Variants in BRD1 observed in about 807,000 individuals in gnomAD.
BRD1 encodes the protein bromodomain containing 1, also known as bromodomain-containing protein 1.
Under a neutral mutation model 107.7 loss-of-function variants are expected in BRD1, and 24 were observed. The observed-to-expected ratio is 0.22, with a 90% CI of 0.16 to 0.31. The LOEUF (loss-of-function observed/expected upper bound fraction) is 0.31. BRD1 is among the 10% of genes least tolerant of loss of function. BRD1 has a pLI of 1.00. For synonymous variants in BRD1, 744 were observed against 686.1 expected (o/e 1.08, Z -1.32); for missense variants, 1,279 against 1,638.6 (o/e 0.78, Z 3.79).
chr22:49,775,824 C>CCCACAGCTGTGTGA lies in BRD1; in HGVS notation c.3232-80_3232-79insTCACACAGCTGTGG, dbSNP rs879766434. On this transcript the variant is annotated intron_variant, in intron 11 of 12. Transcript: ENST00000404760. ...CCCACCTGTCACTGGCACCCCCCCC[C>CCCACAGCTGTGTGA]GCCTCCCCACCCCAGCTGTGTGAGC... is the stretch of plus-strand genomic sequence containing the variant. The CCCACAGCTGTGTGA allele has an allele frequency of 2.2e-5, 28 of 1,282,348 alleles. No homozygotes were observed. In the South Asian group the frequency reaches 4.0e-4, roughly 18 times the overall value. The allele number at this position is 1,282,348 out of a possible 1,614,324, so 79.4% of individuals were successfully genotyped here.
intron 1 of BRD1, among the ~76,000 whole-genome samples, chr22:49,825,567 G>A (rs553501409): frequency 2.2e-4 from 33 of 152,302 alleles, no homozygotes; most frequent in African/African-American, 7.2e-4. Context: ...CCTCCAAAGC[G>A]CCACACTTCA....
At chr22:49,814,542 G>A (rs911957575) in intron 2 of BRD1, among the ~76,000 whole-genome samples, 4 of 152,252 alleles carry the variant, frequency 2.6e-5, no homozygotes, top group Non-Finnish European at 4.4e-5. Flanking sequence ...CCTCTCCGAC[G>A]GGGCAGGGTG....
In BRD1 at chr22:49,783,662, G is replaced by A. The variant is rs969125061; in HGVS notation, c.2857+3728C>T. Among the ~76,000 whole-genome samples, 22 of 152,254 alleles carry A rather than the reference G, an allele frequency of 1.4e-4. No individual in the cohort carries two copies. The highest frequency in any genetic ancestry group is 5.1e-4 in the African/African-American group (21 of 41,540). On this transcript the variant is annotated intron_variant, in intron 8 of 12. Transcript: ENST00000404760. This position sits in a 1 kb window ranked among gnomAD's most constrained non-coding sequence, Gnocchi z 4.2. ...CGTGACTGTCCAGAGGGAAGGCTGA[G>A]GTGCCACGACATCCCGCCAGCTCCA...
chr22:49,794,229 G>A lies in BRD1; in HGVS notation c.2164C>T (p.Leu722=). 1 of 1,614,104 alleles carries A rather than the reference G, an allele frequency of 6.2e-7. No individual in the cohort carries two copies. Among genetic ancestry groups the A allele is most frequent in the Non-Finnish European group, 8.5e-7 (1 of 1,179,992 alleles). The stretch of plus-strand genomic sequence containing the variant: ...GCGCAGGTGAGGTCGAGCATGTCCA[G>A]CAGCTCTCTCAGCTGCTCCTCCAGG... ...LGLEEQLREL[L]DMLDLTCAMK... The change falls in exon 7 of 13, where the codon CTG becomes TTG. Residue 722 remains leucine, a synonymous_variant. Transcript: ENST00000404760.
At position 49,823,759 on chromosome 22, in the gene BRD1, C is replaced by T; in HGVS notation, c.559G>A (p.Glu187Lys). ...CVPAVSQSMF[E>K]FLMDRFEKES... is the part of the protein sequence containing the mutation. Reference sequence around the variant, plus strand: ...TTCTCGAAGCGGTCCATCAGGAACTCAAACATGCTCTGCGACACGGCGGGG... The same window carrying T: ...TTCTCGAAGCGGTCCATCAGGAACTTAAACATGCTCTGCGACACGGCGGGG... The change falls in exon 2 of 13, where the codon GAG (glutamate) becomes AAG (lysine). Residue 187 changes from glutamate (E) to lysine (K), a missense_variant. This residue lies in a region of BRD1 where 223 missense variants were observed against 263.5 expected (regional missense o/e 0.85). Coordinates refer to ENST00000404760, the MANE Select transcript of BRD1 (RefSeq NM_001304808.3). The T allele has an allele frequency of 6.2e-7, 1 of 1,614,180 alleles. No homozygotes were observed. Among genetic ancestry groups the T allele is most frequent in the Non-Finnish European group, 8.5e-7 (1 of 1,180,034 alleles).
At chr22:49,775,836 C>T in intron 11 of BRD1, 91 bp from the exon 12 acceptor site, 2 of 1,270,248 alleles carry the variant, frequency 1.6e-6, no homozygotes, top group Non-Finnish European at 2.0e-6. Context: ...CCTCCCCACC[C>T]CAGCTGTGTG....
At chr22:49,778,610 G>T (rs998935978) in intron 8 of BRD1, among the ~76,000 whole-genome samples, 6 of 152,244 alleles carry the variant, frequency 3.9e-5, no homozygotes, top group African/African-American at 1.4e-4. Context: ...ACAACGGGGG[G>T]ATGATGTTCC....
At position 49,797,831 on chromosome 22, in the gene BRD1, G is replaced by A. The variant is rs200560894; in HGVS notation, c.2072C>T (p.Pro691Leu). The change falls in exon 6 of 13, where the codon CCG becomes CTG. Residue 691 changes from proline (P) to leucine (L), a missense_variant. Around this residue, in one of 7 missense-constraint regions of BRD1, gnomAD observed 406 missense variants for 519.4 expected, o/e 0.78. Transcript: ENST00000404760. ...GTCTTCCCAGGAGAAAGGCCGCCGCGGTGCCGCAGCAGGCCGCTCAGGCAG... is the reference window on the plus strand; with the variant it reads ...GTCTTCCCAGGAGAAAGGCCGCCGCAGTGCCGCAGCAGGCCGCTCAGGCAG... ...MHLPERPAAAPRRPFSWEDVD... is the reference protein window; with the variant it reads ...MHLPERPAAALRRPFSWEDVD... 2.7e-5 allele frequency: 44 copies of A among 1,605,940 alleles called. No individual in the cohort carries two copies. The highest frequency in any genetic ancestry group is 1.6e-4 in the East Asian group (7 of 44,764).
chr22:49,802,754 C>G (rs1381017527), intron 3 of BRD1, among the ~76,000 whole-genome samples: 1 of 152,270 alleles, frequency 6.6e-6, no homozygotes, highest in Non-Finnish European at 1.5e-5. Flanking sequence ...CACTTCCTGA[C>G]TCTGGCCTCT....
intron 2 of BRD1, among the ~76,000 whole-genome samples, chr22:49,821,607 CTT>C (rs138878): frequency 8.2e-5 from 11 of 133,610 alleles, no homozygotes; most frequent in African/African-American, 1.3e-4. Context: ...CTTAAAACTT[CTT>C]TTTTTTTTTT....
intron 2 of BRD1, chr22:49,818,508 C>T (rs2060000269): frequency 2.3e-6 from 1 of 432,588 alleles, no homozygotes; most frequent in African/African-American, 2.1e-5. Context: ...GTGAATGAGT[C>T]CTGCAGTAAT....
intron 2 of BRD1, among the ~76,000 whole-genome samples, chr22:49,821,989 C>T (rs1366660803): frequency 1.3e-5 from 2 of 152,256 alleles, no homozygotes; most frequent in African/African-American, 2.4e-5. Context: ...GCACGGGAAA[C>T]GGGGCCAAGG....
rs762398583 is a variant in BRD1, at chr22:49,777,659, G to C, written c.2993+19C>G. ...TGCTGGGAGCTGCGTGGTGGGAAGC[G>C]CAGGGCCGCGGTGCCCACCTCGAGT... On this transcript the variant is annotated intron_variant, in intron 9 of 12. Transcript: ENST00000404760. The C allele has an allele frequency of 6.3e-7, 1 of 1,598,336 alleles. No individual in the cohort carries two copies. The highest frequency in any genetic ancestry group is 8.5e-7 in the Non-Finnish European group (1 of 1,174,824).
chr22:49,796,852 C>T (rs2059543079), intron 6 of BRD1, among the ~76,000 whole-genome samples: 1 of 148,830 alleles, frequency 6.7e-6, no homozygotes, highest in Admixed American at 6.7e-5. Flanking sequence ...ACGTGGACCC[C>T]GCGATGGCGG....
chr22:49,790,704 C>T (rs1392879911), intron 7 of BRD1, among the ~76,000 whole-genome samples: 1 of 152,230 alleles, frequency 6.6e-6, no homozygotes, highest in Non-Finnish European at 1.5e-5. Flanking sequence ...AGCTCACGAG[C>T]AGCAACCACA....
rs997019610 is a variant in BRD1, at chr22:49,827,512, G to A, written c.-30C>T. 6.9e-6 allele frequency: 1 copy of A among 144,988 alleles called. No homozygotes were observed. Among genetic ancestry groups the A allele is most frequent in the African/African-American group, 2.5e-5 (1 of 40,462 alleles). 9.0% of individuals were successfully genotyped at this position (144,988 alleles called of 1,614,324 possible). On this transcript the variant is annotated 5_prime_UTR_variant, in exon 1 of 13. Transcript: ENST00000404760. The stretch of plus-strand genomic sequence containing the variant: ...GCCCACTCACCTTCGGGGCGCCGCG[G>A]CCGCGGGAGCCCGGCAAGCGGGCGG...
intron 8 of BRD1, among the ~76,000 whole-genome samples, chr22:49,782,575 T>C (rs1490564008): frequency 7.2e-6 from 1 of 139,804 alleles, no homozygotes; most frequent in Non-Finnish European, 1.5e-5. Flanking sequence ...TGGGACTCGC[T>C]CCGTGACAAT....
At chr22:49,786,650 C>T (rs1404636977) in intron 8 of BRD1, among the ~76,000 whole-genome samples, 3 of 152,176 alleles carry the variant, frequency 2.0e-5, no homozygotes, top group Non-Finnish European at 2.9e-5. Flanking sequence ...CCAGGCTCAA[C>T]CCCAGGTCCT....
At chr22:49,780,638 C>T (rs1440600199) in intron 8 of BRD1, among the ~76,000 whole-genome samples, 1 of 152,348 alleles carries the variant, frequency 6.6e-6, no homozygotes, top group East Asian at 1.9e-4. Context: ...TGCAAGGTGG[C>T]CTGCGCTGCC....
Sources: allele counts gnomAD v4.1 joint callset (sites outside exome capture counted in the v4.1 genomes callset), GRCh38; gene constraint gnomAD v4.1.1; regional missense constraint gnomAD v4.1.1; non-coding constraint Gnocchi (gnomAD v3.1); transcripts MANE v1.5; gene names NCBI Gene and HGNC (gene_info 2026-07-23, HGNC 2026-07-21).